Variants in PICALM observed in about 807,000 individuals in gnomAD.
The protein encoded by PICALM is phosphatidylinositol-binding clathrin assembly protein.
In PICALM, 40 loss-of-function variants were observed where a neutral mutation model predicts 80.5. That is an observed-to-expected ratio of 0.50 (90% CI 0.39 to 0.65). The LOEUF is 0.65. PICALM is among the 30% of genes least tolerant of loss of function. The pLI is 0.00. For synonymous variants in PICALM, 288 were observed against 260.3 expected, an observed-to-expected ratio of 1.11 and a Z score of -1.02; for missense variants, 676 against 778.9, an observed-to-expected ratio of 0.87 and a Z score of 1.57.
intron 19 of PICALM, 61 bp downstream of exon 19, chr11:85,974,647 T>C (rs946612882): frequency 3.4e-5 from 37 of 1,083,900 alleles, no homozygotes; most frequent in Non-Finnish European, 4.6e-5. Flanking sequence ...AAAAGGGTTT[T>C]ATAGTATCAT....
chr11:86,029,385 C>T (rs1220398390), intron 2 of PICALM, among the ~76,000 whole-genome samples: 1 of 152,188 alleles, frequency 6.6e-6, no homozygotes, highest in Non-Finnish European at 1.5e-5. Flanking sequence ...GTTGTACAAA[C>T]TAGCATAAAA....
intron 1 of PICALM, among the ~76,000 whole-genome samples, chr11:86,064,029 A>G (rs1031201311): frequency 1.3e-5 from 2 of 152,194 alleles, no homozygotes; most frequent in African/African-American, 2.4e-5. Flanking sequence ...CACCCATAAG[A>G]TATTATTAAC....
At chr11:86,058,946 T>G (rs888785011) in intron 1 of PICALM, among the ~76,000 whole-genome samples, 13 of 152,234 alleles carry the variant, frequency 8.5e-5, no homozygotes. Flanking sequence ...CATTTTAATA[T>G]AGTGTTCAAC....
intron 11 of PICALM, among the ~76,000 whole-genome samples, chr11:85,998,970 T>A (rs1650660176): frequency 6.6e-6 from 1 of 152,216 alleles, no homozygotes; most frequent in African/African-American, 2.4e-5. Context: ...GTTTTTCTTT[T>A]TAAATGGATA....
chr11:86,055,394 A>C (rs532763631), intron 1 of PICALM, among the ~76,000 whole-genome samples: 2 of 152,232 alleles, frequency 1.3e-5, no homozygotes, highest in Admixed American at 6.5e-5. Flanking sequence ...AAAACAACTT[A>C]TTGATAGTCA....
chr11:86,057,702 C>T (rs915323175), intron 1 of PICALM, among the ~76,000 whole-genome samples: 68 of 152,094 alleles, frequency 4.5e-4, no homozygotes, highest in African/African-American at 1.5e-3. Context: ...ACTGAACATG[C>T]GCAGACATTT....
intron 1 of PICALM, among the ~76,000 whole-genome samples, chr11:86,057,304 C>T (rs566611967): frequency 1.1e-4 from 17 of 151,870 alleles, no homozygotes; most frequent in African/African-American, 2.9e-4. Flanking sequence ...TTTGGGAGGC[C>T]GAGAGGCAGG....
In PICALM at chr11:86,045,519, C is replaced by CAAA. The variant is rs71040207; in HGVS notation, c.131-13911_131-13909dup. Among the ~76,000 whole-genome samples the CAAA allele has an allele frequency of 9.1e-3, 433 of 47,800 alleles. 43 individuals are homozygous for CAAA. The highest frequency in any genetic ancestry group is 0.017 in the Middle Eastern group (1 of 58). 31.4% of individuals were successfully genotyped at this position (47,800 alleles called of 152,430 possible). On this transcript the variant is annotated intron_variant, in intron 1 of 19. Transcript: ENST00000393346. The stretch of plus-strand genomic sequence containing the variant: ...CATAGTGAGACCCTGTCTTGAAATT[C>CAAA]AAAAAAAAAAAAAAAAAAAAAAAAA...
At chr11:85,965,082 G>A (rs1053184448) in intron 19 of PICALM, among the ~76,000 whole-genome samples, 6 of 152,112 alleles carry the variant, frequency 3.9e-5, no homozygotes, top group Non-Finnish European at 8.8e-5. Flanking sequence ...CAAAACTCTT[G>A]TTTAAATTTG....
intron 13 of PICALM, among the ~76,000 whole-genome samples, chr11:85,987,622 T>G (rs997799678): frequency 6.6e-6 from 1 of 152,240 alleles, no homozygotes; most frequent in African/African-American, 2.4e-5. Context: ...GTGGTCCACA[T>G]ATACAAGAAT....
At chr11:85,991,723 C>T (rs2094785732) in intron 12 of PICALM, among the ~76,000 whole-genome samples, 2 of 151,108 alleles carry the variant, frequency 1.3e-5, no homozygotes, top group African/African-American at 2.4e-5. Context: ...TATTCAAACT[C>T]GAAATCTTTC....
At chr11:85,976,281 C>T (rs2094280497) in intron 18 of PICALM, among the ~76,000 whole-genome samples, 1 of 152,176 alleles carries the variant, frequency 6.6e-6, no homozygotes, top group African/African-American at 2.4e-5. Context: ...TAATCCCTCC[C>T]ATGCCCTACA....
chr11:86,019,429 T>G (rs972468265), intron 4 of PICALM, among the ~76,000 whole-genome samples: 1 of 152,172 alleles, frequency 6.6e-6, no homozygotes, highest in African/African-American at 2.4e-5. Context: ...TTTCCTCCAA[T>G]TAAAAAAGAC....
intron 17 of PICALM, among the ~76,000 whole-genome samples, chr11:85,977,535 A>T (rs1718408778): frequency 6.6e-6 from 1 of 152,240 alleles, no homozygotes; most frequent in Admixed American, 6.5e-5. Flanking sequence ...AAAATAACTG[A>T]AATTATATGG....
In PICALM at chr11:86,000,724, G is replaced by A; in HGVS notation, c.1073C>T (p.Ala358Val). The change falls in exon 11 of 20, where the codon GCC becomes GTC. Residue 358 changes from alanine (A) to valine (V), a missense_variant. Around this residue, in one of 2 missense-constraint regions of PICALM, gnomAD observed 391 missense variants for 383.6 expected, o/e 1.02. Transcript: ENST00000393346. The part of the protein sequence containing the change: ...KKPHTSLTTA[A>V]SPVSTSAGGI... ...TCCTGCTGAGGTGGATACAGGAGAGGCTGCAGTTGTTAAAGAGGTATGAGG... is the reference window on the plus strand; with the variant it reads ...TCCTGCTGAGGTGGATACAGGAGAGACTGCAGTTGTTAAAGAGGTATGAGG... 1 of 1,612,550 alleles carries A rather than the reference G, an allele frequency of 6.2e-7. No homozygotes were observed. Among genetic ancestry groups the A allele is most frequent in the Non-Finnish European group, 8.5e-7 (1 of 1,179,428 alleles).
chr11:86,053,580 T>C (rs1417457503), intron 1 of PICALM, among the ~76,000 whole-genome samples: 1 of 152,032 alleles, frequency 6.6e-6, no homozygotes, highest in Non-Finnish European at 1.5e-5. Flanking sequence ...GAATAAAGTC[T>C]TTTTTTTGAG....
rs1025566258 is a variant in PICALM, at chr11:86,026,235, T to C, written c.349+57A>G. ...TAAAAGACAGAGTTCTACTCTGGAG[T>C]AATCATCATGTGGGTGTCATTCTTT... On this transcript the variant is annotated intron_variant, in intron 3 of 19. Transcript: ENST00000393346. The C allele has an allele frequency of 4.4e-6, 4 of 903,108 alleles. No homozygotes were observed. In the Admixed American group the frequency reaches 7.6e-5, roughly 17 times the overall value. 55.9% of individuals were successfully genotyped at this position (903,108 alleles called of 1,614,324 possible).
intron 19 of PICALM, among the ~76,000 whole-genome samples, chr11:85,963,322 A>T (rs999334099): frequency 6.6e-6 from 1 of 152,212 alleles, no homozygotes; most frequent in African/African-American, 2.4e-5. Context: ...TTTCCAGTCA[A>T]GCCCTACTAT....
At position 86,068,920 on chromosome 11, in the gene PICALM, G is replaced by C; in HGVS notation, c.-140C>G. The C allele has an allele frequency of 8.4e-7, 1 of 1,184,566 alleles. No homozygotes were observed. The highest frequency in any genetic ancestry group is 1.1e-6 in the Non-Finnish European group (1 of 872,350). The allele number at this position is 1,184,566 out of a possible 1,614,324, so 73.4% of individuals were successfully genotyped here. Reference sequence around the variant, plus strand: ...CGCCTGCCGGCCTGGGGCGCGGTTCGGGGCCGCGCGCTGCCACCAGTCCAG... The same window carrying C: ...CGCCTGCCGGCCTGGGGCGCGGTTCCGGGCCGCGCGCTGCCACCAGTCCAG... On this transcript the variant is annotated 5_prime_UTR_variant, in exon 1 of 20. Transcript: ENST00000393346.
Sources: allele counts gnomAD v4.1 joint callset (sites outside exome capture counted in the v4.1 genomes callset), GRCh38; gene constraint gnomAD v4.1.1; regional missense constraint gnomAD v4.1.1; transcripts MANE v1.5; gene names NCBI Gene and HGNC (gene_info 2026-07-23, HGNC 2026-07-21).